Variants in H2BN1 observed in about 807,000 individuals in gnomAD.
H2BN1 encodes the protein histone H2B.N.
At chr17:32,895,556 A>G in the H2BN1 span, among the ~76,000 whole-genome samples, 1 of 152,182 alleles carries the variant, frequency 6.6e-6, no homozygotes, top group Non-Finnish European at 1.5e-5. Context: ...GTGGAGAAAG[A>G]AGAGGAGGAA....
the H2BN1 span, among the ~76,000 whole-genome samples, chr17:32,900,137 AC>A: frequency 6.6e-6 from 1 of 152,260 alleles, no homozygotes; most frequent in Non-Finnish European, 1.5e-5. Context: ...AATTATAATT[AC>A]TGATAATGTA....
chr17:32,903,921 T>C, the H2BN1 span, among the ~76,000 whole-genome samples: 1 of 152,226 alleles, frequency 6.6e-6, no homozygotes, highest in Non-Finnish European at 1.5e-5. Context: ...TGATGTGTGC[T>C]GCTTGTGGCC....
At chr17:32,902,088 C>T in the H2BN1 span, among the ~76,000 whole-genome samples, 1 of 150,900 alleles carries the variant, frequency 6.6e-6, no homozygotes, top group Non-Finnish European at 1.5e-5. Flanking sequence ...GACTCTTTCT[C>T]ATTTCTCTTT....
chr17:32,897,143 G>A, the H2BN1 span, among the ~76,000 whole-genome samples: 3 of 152,208 alleles, frequency 2.0e-5, no homozygotes. Flanking sequence ...CTAAGTGCAA[G>A]CCTTGTTTGC....
At chr17:32,900,756 T>C in the H2BN1 span, among the ~76,000 whole-genome samples, 1 of 152,066 alleles carries the variant, frequency 6.6e-6, no homozygotes. Flanking sequence ...TAATTTTTTG[T>C]ATTTTTAGTA....
the H2BN1 span, among the ~76,000 whole-genome samples, chr17:32,904,098 C>T: frequency 1.3e-5 from 2 of 152,162 alleles, no homozygotes; most frequent in East Asian, 3.8e-4. Flanking sequence ...TTGGAGATTT[C>T]CCTGTGGGGT....
the H2BN1 span, among the ~76,000 whole-genome samples, chr17:32,896,374 T>G: frequency 6.6e-6 from 1 of 152,174 alleles, no homozygotes; most frequent in Non-Finnish European, 1.5e-5. Context: ...GGTTCCTTCC[T>G]CCTGCCCACC....
the H2BN1 span, among the ~76,000 whole-genome samples, chr17:32,896,765 A>G: frequency 6.6e-6 from 1 of 152,206 alleles, no homozygotes; most frequent in Non-Finnish European, 1.5e-5. Flanking sequence ...GATGTTAAGC[A>G]GCCTCTACGG....
chr17:32,900,297 C>A, the H2BN1 span, among the ~76,000 whole-genome samples: 1 of 152,246 alleles, frequency 6.6e-6, no homozygotes, highest in Non-Finnish European at 1.5e-5. Context: ...ATAATTCAAA[C>A]TAGGACTTTT....
At chr17:32,902,072 G>T in the H2BN1 span, among the ~76,000 whole-genome samples, 1 of 149,440 alleles carries the variant, frequency 6.7e-6, no homozygotes. Flanking sequence ...TAAATCTACC[G>T]TACAAGACTC....
the H2BN1 span, among the ~76,000 whole-genome samples, chr17:32,902,491 C>A: frequency 2.6e-5 from 4 of 152,176 alleles, no homozygotes. Context: ...TTATGGTAAT[C>A]TTACTAAATT....
the H2BN1 span, among the ~76,000 whole-genome samples, chr17:32,900,007 A>T: frequency 4.6e-5 from 7 of 152,250 alleles, no homozygotes; most frequent in Non-Finnish European, 1.0e-4. Context: ...GCCACCTTCT[A>T]AAGAGGACCA....
chr17:32,896,550 C>A, the H2BN1 span, among the ~76,000 whole-genome samples: 2 of 152,130 alleles, frequency 1.3e-5, no homozygotes, highest in African/African-American at 2.4e-5. Flanking sequence ...TGTGTCATAC[C>A]ACAGCTCCCA....
At chr17:32,902,800 A>G in the H2BN1 span, among the ~76,000 whole-genome samples, 1 of 151,736 alleles carries the variant, frequency 6.6e-6, no homozygotes, top group East Asian at 1.9e-4. Context: ...GGATTGCGCC[A>G]CTGCACTCCA....
At chr17:32,905,357 A>G in the H2BN1 span, among the ~76,000 whole-genome samples, 2 of 152,158 alleles carry the variant, frequency 1.3e-5, no homozygotes, top group African/African-American at 4.8e-5. Context: ...AAATTGTCCT[A>G]TTGGTTTGAG....
the H2BN1 span, among the ~76,000 whole-genome samples, chr17:32,899,881 A>G: frequency 6.6e-6 from 1 of 152,218 alleles, no homozygotes; most frequent in Non-Finnish European, 1.5e-5. Context: ...ATTTATAAAC[A>G]TTTCCGTTTT....
chr17:32,900,802 C>T, the H2BN1 span, among the ~76,000 whole-genome samples: 8 of 152,008 alleles, frequency 5.3e-5, no homozygotes, highest in Admixed American at 3.3e-4. Flanking sequence ...AGGATGGTCT[C>T]GATCTCCTGA....
At chr17:32,906,367 C>A in the H2BN1 span, 1 of 152,152 alleles carries the variant, frequency 6.6e-6, no homozygotes, top group Non-Finnish European at 1.5e-5. Context: ...CTCAGAAGAG[C>A]TTTTGAATAA....
At chr17:32,901,682 G>A in the H2BN1 span, among the ~76,000 whole-genome samples, 1 of 152,168 alleles carries the variant, frequency 6.6e-6, no homozygotes, top group Admixed American at 6.5e-5. Flanking sequence ...AGCTGAAAAT[G>A]AGTTGAAGGA....
Sources: gnomAD v4.1 joint callset for allele counts (sites outside exome capture counted in the v4.1 genomes callset) on GRCh38, gnomAD v4.1.1 for gene constraint, MANE v1.5 for transcripts, NCBI Gene and HGNC (gene_info 2026-07-23, HGNC 2026-07-21) for gene names.